The following INSL6 variants were observed in gnomAD, a reference collection of about 807,000 sequenced individuals.
INSL6 encodes insulin like 6, also known as insulin-like peptide INSL6.
Under a neutral mutation model 9.4 loss-of-function variants are expected in INSL6, and 16 were observed. The observed-to-expected ratio is 1.70, with a 90% CI of 1.15 to 2.59. INSL6 has a LOEUF of 2.59. Among genes scored for constraint, INSL6 ranks in the 30% most tolerant of loss-of-function variants. The pLI is 0.00. For synonymous variants in INSL6, 154 were observed against 96.9 expected (o/e 1.59, Z -3.46); for missense variants, 391 against 257.3 (o/e 1.52, Z -3.56).
the INSL6 span, among the ~76,000 whole-genome samples, chr9:5,014,557 GTGGT>G: frequency 2.6e-5 from 4 of 152,168 alleles, no homozygotes; most frequent in African/African-American, 9.7e-5. Context: ...GGCCACTTGA[GTGGT>G]TGGAGCAGGG....
At chr9:5,167,989 T>C (rs1180705509) in intron 1 of INSL6, among the ~76,000 whole-genome samples, 4 of 151,812 alleles carry the variant, frequency 2.6e-5, no homozygotes, top group African/African-American at 4.8e-5. Context: ...TATGGAAGAG[T>C]GGCCCTACTG....
intron 3 of INSL6, among the ~76,000 whole-genome samples, chr9:5,125,469 A>G (rs11793886): frequency 0.24 from 36,559 of 151,228 alleles, 4,882 homozygotes; most frequent in South Asian, 0.3. Flanking sequence ...TTCAGTGAAC[A>G]TAGTGAACAT....
At chr9:5,045,782 C>T in the INSL6 span, among the ~76,000 whole-genome samples, 2 of 152,252 alleles carry the variant, frequency 1.3e-5, no homozygotes, top group East Asian at 3.9e-4. Flanking sequence ...TATTCCATTG[C>T]ATATGTATAC....
chr9:5,127,936 G>GA (rs979576773), intron 3 of INSL6: 2 of 232,346 alleles, frequency 8.6e-6, no homozygotes, highest in Non-Finnish European at 1.7e-5. Context: ...AATGCCAGTA[G>GA]AAAATTCATA....
intron 2 of INSL6, among the ~76,000 whole-genome samples, chr9:5,154,907 G>C (rs971770718): frequency 1.3e-5 from 2 of 152,100 alleles, no homozygotes; most frequent in Non-Finnish European, 2.9e-5. Flanking sequence ...CATTGTGGAA[G>C]TCAGTGTGGC....
In INSL6 at chr9:5,157,719, A is replaced by C. The variant is rs191787116; in HGVS notation, c.376+6460T>G. ...CAAATAACTGGAAAGACTTCCCAAG[A>C]CGGACTGGTACAAATAAACCCAGAC... On this transcript the variant is annotated intron_variant, in intron 2 of 3. Transcript: ENST00000649639. 5.9e-5 allele frequency among the ~76,000 whole-genome samples: 9 copies of C among 152,316 alleles called. No homozygotes were observed. In the East Asian group the frequency reaches 1.5e-3, roughly 26 times the overall value.
At chr9:5,079,047 A>T in the INSL6 span, among the ~76,000 whole-genome samples, 1 of 152,306 alleles carries the variant, frequency 6.6e-6, no homozygotes, top group African/African-American at 2.4e-5. Flanking sequence ...TAGATTCTAA[A>T]TTGATCAATT....
At chr9:5,123,828 T>G (rs1405399284), downstream of INSL6, among the ~76,000 whole-genome samples, 1 of 151,628 alleles carries the variant, frequency 6.6e-6, no homozygotes, top group African/African-American at 2.4e-5. Context: ...TTTTTCTCTC[T>G]CTCATTTTTT....
At chr9:5,148,129 GTT>G (rs992293572) in intron 2 of INSL6, among the ~76,000 whole-genome samples, 6 of 152,150 alleles carry the variant, frequency 3.9e-5, no homozygotes. Flanking sequence ...AATTGTCAGA[GTT>G]TTTATGCTGA....
intron 1 of INSL6, among the ~76,000 whole-genome samples, chr9:5,177,131 T>G (rs1825326821): frequency 6.6e-6 from 1 of 152,064 alleles, no homozygotes; most frequent in African/African-American, 2.4e-5. Flanking sequence ...TCCATGGCGC[T>G]CAGGGAGAGG....
chr9:5,000,669 T>A, the INSL6 span, among the ~76,000 whole-genome samples: 1 of 152,182 alleles, frequency 6.6e-6, no homozygotes, highest in Non-Finnish European at 1.5e-5. Context: ...GCTCAAAACA[T>A]TTTTTTAGTG....
At chr9:5,011,814 G>T in the INSL6 span, among the ~76,000 whole-genome samples, 1 of 152,180 alleles carries the variant, frequency 6.6e-6, no homozygotes, top group South Asian at 2.1e-4. Flanking sequence ...TCCTGCGGAG[G>T]CTTGGTTTTA....
chr9:5,023,434 G>A, the INSL6 span, among the ~76,000 whole-genome samples: 46 of 152,184 alleles, frequency 3.0e-4, no homozygotes, highest in African/African-American at 6.7e-4. Context: ...CTTAGGACTC[G>A]GGGGGAGCGT....
the INSL6 span, among the ~76,000 whole-genome samples, chr9:5,105,827 T>C: frequency 1.3e-5 from 2 of 152,246 alleles, no homozygotes; most frequent in African/African-American, 4.8e-5. Flanking sequence ...ATTCCTTATT[T>C]AATAAATGGT....
At chr9:5,035,028 G>A in the INSL6 span, among the ~76,000 whole-genome samples, 18 of 152,158 alleles carry the variant, frequency 1.2e-4, no homozygotes, top group Non-Finnish European at 2.4e-4. Flanking sequence ...TCAAATACAT[G>A]CAATAAAAAA....
chr9:5,028,632 T>C, the INSL6 span, among the ~76,000 whole-genome samples: 16 of 152,238 alleles, frequency 1.1e-4, no homozygotes, highest in Non-Finnish European at 1.6e-4. Flanking sequence ...TGAAAATCTA[T>C]TGTTTATCAG....
At chr9:5,024,108 T>G in the INSL6 span, among the ~76,000 whole-genome samples, 1 of 151,988 alleles carries the variant, frequency 6.6e-6, no homozygotes, top group Non-Finnish European at 1.5e-5. Flanking sequence ...TACAAAAAAT[T>G]AGCCAGGTGT....
chr9:5,000,124 T>C, the INSL6 span, among the ~76,000 whole-genome samples: 969 of 152,298 alleles, frequency 6.4e-3, 13 homozygotes, highest in African/African-American at 0.022. Flanking sequence ...TGTATAAATA[T>C]ATTAAACCTT....
chr9:5,058,713 G>C, the INSL6 span, among the ~76,000 whole-genome samples: 7 of 152,106 alleles, frequency 4.6e-5, no homozygotes, highest in Admixed American at 4.6e-4. Context: ...GTTATTTTCT[G>C]TTTTCTGATA....
Sources: gnomAD v4.1 joint callset for allele counts (sites outside exome capture counted in the v4.1 genomes callset) on GRCh38, gnomAD v4.1.1 for gene constraint, MANE v1.5 for transcripts, NCBI Gene and HGNC (gene_info 2026-07-23, HGNC 2026-07-21) for gene names.